The following FHL2 variants were observed in gnomAD, a reference collection of about 807,000 sequenced individuals.
FHL2 encodes the protein four and a half LIM domains protein 2.
In FHL2, 20 loss-of-function variants were observed where a neutral mutation model predicts 32.7. That is an observed-to-expected ratio of 0.61 (90% confidence interval 0.43 to 0.89). The LOEUF (loss-of-function observed/expected upper bound fraction) is 0.89, where lower values mean the gene tolerates loss of function less well. Among genes scored for constraint, FHL2 ranks in the 40% least tolerant of loss-of-function variants. FHL2 has a pLI of 0.00. For missense variants in FHL2, 311 were observed against 358.6 expected, an observed-to-expected ratio of 0.87 and a Z score of 1.07; for synonymous variants, 123 against 128.1, an observed-to-expected ratio of 0.96 and a Z score of 0.27.
upstream of FHL2, among the ~76,000 whole-genome samples, chr2:105,402,006 T>C (rs112358310): frequency 3.6e-4 from 55 of 150,842 alleles, no homozygotes; most frequent in African/African-American, 1.3e-3. Context: ...TACACGAATA[T>C]ATACATATAT....
At chr2:105,412,373 T>C (rs1190629591) in intron 1 of FHL2, among the ~76,000 whole-genome samples, 2 of 152,188 alleles carry the variant, frequency 1.3e-5, no homozygotes, top group African/African-American at 2.4e-5. Flanking sequence ...CCAAAAGGTA[T>C]AATCATCAGG....
chr2:105,370,870 C>A (rs569048286), intron 4 of FHL2, among the ~76,000 whole-genome samples: 3 of 152,246 alleles, frequency 2.0e-5, no homozygotes, highest in African/African-American at 7.2e-5. Flanking sequence ...ACCGAAGATT[C>A]AATGGGATTC....
intron 1 of FHL2, among the ~76,000 whole-genome samples, chr2:105,411,538 G>GTTTTT (rs9308884): frequency 4.9e-5 from 4 of 81,148 alleles, no homozygotes; most frequent in East Asian, 4.0e-4. Flanking sequence ...TGAACTTAGG[G>GTTTTT]TTTTTTTTTT....
intron 1 of FHL2, among the ~76,000 whole-genome samples, chr2:105,404,643 A>T (rs1200025872): frequency 6.6e-6 from 1 of 152,222 alleles, no homozygotes; most frequent in Non-Finnish European, 1.5e-5. Context: ...ATCTGGTTAC[A>T]GGAACGATCT....
intron 5 of FHL2, among the ~76,000 whole-genome samples, chr2:105,366,420 A>G (rs1394177390): frequency 6.6e-6 from 1 of 152,344 alleles, no homozygotes; most frequent in Admixed American, 6.5e-5. Context: ...AGCAGAGTCA[A>G]TAACAGGAGG....
intron 1 of FHL2, among the ~76,000 whole-genome samples, chr2:105,407,802 GCCA>G (rs1171592059): frequency 3.3e-5 from 5 of 152,050 alleles, no homozygotes; most frequent in African/African-American, 4.8e-5. Flanking sequence ...TCCCCCCGCT[GCCA>G]CCACCACCAC....
chr2:105,382,499 G>A (rs969498464), intron 3 of FHL2, among the ~76,000 whole-genome samples: 7 of 152,096 alleles, frequency 4.6e-5, no homozygotes, highest in Non-Finnish European at 1.5e-5. Flanking sequence ...AGGCCTCAGC[G>A]GCTACTCCAT....
chr2:105,374,997 C>G (rs958087516), intron 3 of FHL2, among the ~76,000 whole-genome samples: 1 of 152,166 alleles, frequency 6.6e-6, no homozygotes, highest in African/African-American at 2.4e-5. Flanking sequence ...GTCTCTGTTA[C>G]TGAAACCGAA....
At chr2:105,378,809 G>GAAC (rs1429855589) in intron 3 of FHL2, 1 of 152,276 alleles carries the variant, frequency 6.6e-6, no homozygotes, top group African/African-American at 2.4e-5. Flanking sequence ...TAAGTTTTGT[G>GAAC]GTGTACAATA....
chr2:105,372,966 TACAC>T (rs944497785), intron 4 of FHL2, among the ~76,000 whole-genome samples: 2 of 152,168 alleles, frequency 1.3e-5, no homozygotes, highest in African/African-American at 4.8e-5. Flanking sequence ...TCCCCCCACA[TACAC>T]ACACAAAAAA....
intron 1 of FHL2, among the ~76,000 whole-genome samples, chr2:105,436,198 TA>T (rs902155487): frequency 2.0e-5 from 3 of 151,384 alleles, no homozygotes; most frequent in Non-Finnish European, 2.9e-5. Flanking sequence ...TCAACGGTAA[TA>T]AAAAAAAATC....
At chr2:105,366,748 A>ATT (rs1361041557) in intron 5 of FHL2, among the ~76,000 whole-genome samples, 4 of 151,980 alleles carry the variant, frequency 2.6e-5, no homozygotes, top group Admixed American at 6.6e-5. Flanking sequence ...TTATTTATTT[A>ATT]TTTTTTTAAT....
At chr2:105,366,740 A>G (rs1454911749) in intron 5 of FHL2, among the ~76,000 whole-genome samples, 1 of 152,044 alleles carries the variant, frequency 6.6e-6, no homozygotes, top group Non-Finnish European at 1.5e-5. Flanking sequence ...AGATAAGTTT[A>G]TTTATTTATT....
intron 1 of FHL2, among the ~76,000 whole-genome samples, chr2:105,397,867 G>T (rs1683243648): frequency 1.4e-5 from 1 of 72,408 alleles, no homozygotes; most frequent in African/African-American, 4.2e-5. Context: ...GATGCAAATG[G>T]TTTTTGTTTT....
At chr2:105,358,288 G>C (rs899155244), downstream of FHL2, 3 of 152,254 alleles carry the variant, frequency 2.0e-5, no homozygotes, top group Non-Finnish European at 4.4e-5. Context: ...GATCTCCTCT[G>C]GGGGCTGGAC....
chr2:105,386,273 T>C, intron 3 of FHL2, 88 bp downstream of exon 3: 1 of 1,468,566 alleles, frequency 6.8e-7, no homozygotes, highest in Non-Finnish European at 9.3e-7. Context: ...CAGACTTCAG[T>C]GGTGGATCAG....
intron 3 of FHL2, 105 bp from the exon 4 acceptor site, chr2:105,373,838 T>C: frequency 8.7e-7 from 1 of 1,147,400 alleles, no homozygotes; most frequent in Non-Finnish European, 1.3e-6. Context: ...GGAAAGAAGT[T>C]GGGCCGAGGC....
intron 3 of FHL2, among the ~76,000 whole-genome samples, chr2:105,380,046 T>C (rs1681769764): frequency 6.6e-6 from 1 of 152,176 alleles, no homozygotes; most frequent in African/African-American, 2.4e-5. Flanking sequence ...TGTCACTGCT[T>C]CCTCCTGGAC....
At chr2:105,411,424 A>G (rs1683784822) in intron 1 of FHL2, among the ~76,000 whole-genome samples, 1 of 151,978 alleles carries the variant, frequency 6.6e-6, no homozygotes, top group Admixed American at 6.6e-5. Flanking sequence ...TTTTTCAAGC[A>G]CAGCTTGATA....
Sources: allele counts gnomAD v4.1 joint callset (sites outside exome capture counted in the v4.1 genomes callset), GRCh38; gene constraint gnomAD v4.1.1; transcripts MANE v1.5; gene names NCBI Gene and HGNC (gene_info 2026-07-23, HGNC 2026-07-21).